Variants in PDE7B observed in about 807,000 individuals in gnomAD.
The protein encoded by PDE7B is phosphodiesterase 7B, also known as 3',5'-cyclic-AMP phosphodiesterase 7B.
A neutral mutation model predicts 56.2 loss-of-function variants in PDE7B; 29 were observed. The ratio of observed to expected loss-of-function variants is 0.52; its 90% CI spans 0.38 to 0.70. PDE7B has a LOEUF of 0.70. Ranked by LOEUF, PDE7B falls within the 30% of genes least tolerant of loss-of-function variation. The probability of loss-of-function intolerance (pLI) is 0.00; values close to 1 mark genes in which losing one functional copy is unlikely to be tolerated. For synonymous variants in PDE7B, 197 were observed against 196.9 expected (o/e 1.00, Z 0.00); for missense variants, 490 against 565.0 (o/e 0.87, Z 1.35).
At chr6:135,882,464 T>C (rs970343033) in intron 1 of PDE7B, among the ~76,000 whole-genome samples, 22 of 152,194 alleles carry the variant, frequency 1.4e-4, no homozygotes, top group African/African-American at 5.3e-4. Context: ...TTTCTCAGTT[T>C]GAACATTCTC....
intron 2 of PDE7B, among the ~76,000 whole-genome samples, chr6:136,106,714 A>G (rs779158188): frequency 7.9e-4 from 120 of 152,218 alleles, no homozygotes; most frequent in Admixed American, 3.7e-3. Context: ...AGAAAAAACA[A>G]GAAGATAAAT....
intron 2 of PDE7B, among the ~76,000 whole-genome samples, chr6:135,967,647 T>C (rs1480573404): frequency 2.0e-5 from 3 of 152,188 alleles, no homozygotes; most frequent in Non-Finnish European, 4.4e-5. Context: ...CCTGATGAAT[T>C]CTTTAGGGTC....
chr6:135,926,085 T>TGGGGGG (rs948738463), intron 1 of PDE7B, among the ~76,000 whole-genome samples: 23 of 16,144 alleles, frequency 1.4e-3, no homozygotes, highest in Admixed American at 1.8e-3. Flanking sequence ...TTCTTTTTTT[T>TGGGGGG]GGGGGGGGGG....
intron 2 of PDE7B, among the ~76,000 whole-genome samples, chr6:136,105,157 T>A (rs1434996552): frequency 6.6e-6 from 1 of 152,228 alleles, no homozygotes; most frequent in Non-Finnish European, 1.5e-5. Context: ...GTCTTGCTTG[T>A]ACAGCCCATT....
intron 1 of PDE7B, among the ~76,000 whole-genome samples, chr6:135,925,883 G>A (rs942596826): frequency 6.6e-6 from 1 of 151,750 alleles, no homozygotes. Flanking sequence ...CCTTTTGTTC[G>A]TTTGTGTGTT....
intron 2 of PDE7B, among the ~76,000 whole-genome samples, chr6:136,009,149 A>G (rs938087278): frequency 7.9e-5 from 12 of 151,916 alleles, no homozygotes; most frequent in Admixed American, 7.2e-4. Context: ...GGTTGTAGAT[A>G]TGTGGCATTA....
intron 2 of PDE7B, among the ~76,000 whole-genome samples, chr6:135,991,434 A>C (rs1485903470): frequency 6.6e-6 from 1 of 152,114 alleles, no homozygotes; most frequent in Non-Finnish European, 1.5e-5. Flanking sequence ...ATTAAAATAA[A>C]ATTTTTAAAA....
chr6:135,977,663 G>A (rs1031001545), intron 2 of PDE7B, among the ~76,000 whole-genome samples: 5 of 152,084 alleles, frequency 3.3e-5, no homozygotes, highest in African/African-American at 1.2e-4. Flanking sequence ...AGCTGCCTAG[G>A]CCAAGAACAG....
At chr6:135,998,680 C>G (rs980913761) in intron 2 of PDE7B, among the ~76,000 whole-genome samples, 1 of 151,714 alleles carries the variant, frequency 6.6e-6, no homozygotes, top group Non-Finnish European at 1.5e-5. Flanking sequence ...GGCGTGAACC[C>G]GGGAGGCAGA....
At position 136,191,666 on chromosome 6, in the gene PDE7B, G is replaced by C; in HGVS notation, c.1179G>C (p.Thr393=). Residue 393 remains threonine (T), a synonymous_variant, in exon 13 of 13, where the codon ACG becomes ACC. Coordinates refer to ENST00000308191, the MANE Select transcript of PDE7B (RefSeq NM_018945.4). ...EPLFREWAHF[T]GNSTLSENML... ...TCTTCCGGGAATGGGCCCATTTCACGGGTAACAGCACCCTGTCGGAGAACA... is the reference window on the plus strand; with the variant it reads ...TCTTCCGGGAATGGGCCCATTTCACCGGTAACAGCACCCTGTCGGAGAACA... The C allele has an allele frequency of 6.2e-7, 1 of 1,614,056 alleles. No individual in the cohort carries two copies. Among genetic ancestry groups the C allele is most frequent in the Non-Finnish European group, 8.5e-7 (1 of 1,179,990 alleles).
At chr6:136,073,132 C>T (rs1777076372) in intron 2 of PDE7B, among the ~76,000 whole-genome samples, 2 of 152,062 alleles carry the variant, frequency 1.3e-5, no homozygotes, top group Admixed American at 1.3e-4. Context: ...CAGGGATGGC[C>T]ATGCTGAAGT....
intron 2 of PDE7B, among the ~76,000 whole-genome samples, chr6:136,088,089 G>A (rs546570196): frequency 9.9e-5 from 15 of 152,166 alleles, no homozygotes; most frequent in Non-Finnish European, 2.2e-4. Context: ...AAAGTTCAAT[G>A]TCACTCTGAG....
chr6:136,042,885 C>A (rs1176809905), intron 2 of PDE7B, among the ~76,000 whole-genome samples: 3 of 152,162 alleles, frequency 2.0e-5, no homozygotes, highest in Non-Finnish European at 4.4e-5. Flanking sequence ...GAATCAAAAG[C>A]TTAATGAAAG....
chr6:136,054,881 C>A (rs1177311929), intron 2 of PDE7B, among the ~76,000 whole-genome samples: 2 of 152,138 alleles, frequency 1.3e-5, no homozygotes, highest in Non-Finnish European at 2.9e-5. Context: ...GGGAACTACC[C>A]TTTATAAAAC....
chr6:136,191,146 A>AT (rs1167632615), intron 12 of PDE7B, among the ~76,000 whole-genome samples: 2 of 151,290 alleles, frequency 1.3e-5, no homozygotes, highest in East Asian at 2.0e-4. Context: ...TTTAATTGTC[A>AT]TAACAACCCT....
intron 2 of PDE7B, among the ~76,000 whole-genome samples, chr6:135,998,816 A>G (rs1171616303): frequency 6.6e-6 from 1 of 152,016 alleles, no homozygotes; most frequent in Non-Finnish European, 1.5e-5. Flanking sequence ...ATACTTAGAC[A>G]TTACAATTTT....
chr6:135,931,494 A>G (rs1278962675), intron 1 of PDE7B, among the ~76,000 whole-genome samples: 2 of 152,236 alleles, frequency 1.3e-5, no homozygotes, highest in Non-Finnish European at 2.9e-5. Context: ...AAGTGAAGGT[A>G]TGAATGGTGG....
intron 2 of PDE7B, among the ~76,000 whole-genome samples, chr6:135,967,657 C>T (rs1482483048): frequency 1.3e-5 from 2 of 152,184 alleles, no homozygotes; most frequent in Non-Finnish European, 2.9e-5. Flanking sequence ...TCTTTAGGGT[C>T]TATGTCCATA....
At position 135,918,744 on chromosome 6, in the gene PDE7B, G is replaced by A. The variant is rs118161370; in HGVS notation, c.22-28720G>A. Reference sequence around the variant, plus strand: ...TGACTTATGCCACACAGGTGTTTAAGGTGGAAATACAATATCTTATGGCAT... The same window carrying A: ...TGACTTATGCCACACAGGTGTTTAAAGTGGAAATACAATATCTTATGGCAT... On this transcript the variant is annotated intron_variant, in intron 1 of 12. Transcript: ENST00000308191. Among the ~76,000 whole-genome samples the A allele has an allele frequency of 0.01, 1,540 of 152,228 alleles. 40 individuals are homozygous for A. In the East Asian group the frequency reaches 0.11, roughly 11 times the overall value.
Sources: gnomAD v4.1 joint callset for allele counts (sites outside exome capture counted in the v4.1 genomes callset) on GRCh38, gnomAD v4.1.1 for gene constraint, MANE v1.5 for transcripts, NCBI Gene and HGNC (gene_info 2026-07-23, HGNC 2026-07-21) for gene names.